The following GABBR2 variants were observed in gnomAD, a reference collection of about 807,000 sequenced individuals.
GABBR2 encodes the protein gamma-aminobutyric acid type B receptor subunit 2.
GABBR2 carries 23 observed loss-of-function variants against 105.6 expected under a neutral mutation model. The ratio of observed to expected loss-of-function variants is 0.22; its 90% CI spans 0.16 to 0.31. GABBR2 has a LOEUF of 0.31. GABBR2 is among the 10% of genes least tolerant of loss of function. The pLI is 1.00. For synonymous variants in GABBR2, 478 were observed against 499.7 expected, an observed-to-expected ratio of 0.96 and a Z score of 0.58; for missense variants, 734 against 1,245.5, an observed-to-expected ratio of 0.59 and a Z score of 6.18.
intron 7 of GABBR2, among the ~76,000 whole-genome samples, chr9:98,438,893 TTCTC>T (rs1012203122): frequency 2.3e-4 from 35 of 151,446 alleles, no homozygotes; most frequent in Non-Finnish European, 4.4e-4. Flanking sequence ...TCCCTCTCCC[TTCTC>T]TCTCTCTCTC....
chr9:98,476,065 A>C (rs1826787132), intron 5 of GABBR2, among the ~76,000 whole-genome samples: 1 of 152,200 alleles, frequency 6.6e-6, no homozygotes, highest in African/African-American at 2.4e-5. Flanking sequence ...CTCTGTCTCA[A>C]AAAACAAACA....
intron 1 of GABBR2, among the ~76,000 whole-genome samples, chr9:98,665,313 C>T (rs1214631347): frequency 1.3e-5 from 2 of 151,004 alleles, no homozygotes; most frequent in African/African-American, 4.9e-5. Context: ...GCTTGCTCAA[C>T]AAAAAAAGAA....
chr9:98,323,803 T>C (rs1438677963), intron 13 of GABBR2, among the ~76,000 whole-genome samples: 1 of 152,168 alleles, frequency 6.6e-6, no homozygotes, highest in Non-Finnish European at 1.5e-5. Context: ...TGGCTGTTCA[T>C]GGTGACTCCC....
intron 2 of GABBR2, among the ~76,000 whole-genome samples, chr9:98,556,304 C>T (rs909493604): frequency 1.3e-4 from 20 of 152,114 alleles, no homozygotes; most frequent in Non-Finnish European, 1.5e-5. Flanking sequence ...TTCAGTGTGG[C>T]AGTCACTGGG....
At chr9:98,525,198 A>G (rs900517539) in intron 3 of GABBR2, among the ~76,000 whole-genome samples, 2 of 152,122 alleles carry the variant, frequency 1.3e-5, no homozygotes, top group Non-Finnish European at 2.9e-5. Context: ...GTGCAAAAAA[A>G]CACCATTAAG....
intron 7 of GABBR2, among the ~76,000 whole-genome samples, chr9:98,407,807 G>T (rs1467894809): frequency 2.0e-5 from 3 of 152,184 alleles, no homozygotes; most frequent in Admixed American, 2.0e-4. Context: ...CAGGAGTGGG[G>T]GTGAGAAGAG....
chr9:98,389,264 G>T (rs1039997373), intron 9 of GABBR2, among the ~76,000 whole-genome samples: 2 of 152,238 alleles, frequency 1.3e-5, no homozygotes, highest in African/African-American at 4.8e-5. Context: ...ACTAGAATTT[G>T]ATTTGGTCTA....
intron 2 of GABBR2, among the ~76,000 whole-genome samples, chr9:98,573,701 G>A (rs999881059): frequency 2.0e-5 from 3 of 152,160 alleles, no homozygotes; most frequent in African/African-American, 7.2e-5. Flanking sequence ...AGAGAATACT[G>A]TACACAATAT....
At chr9:98,637,962 C>T (rs1041049311) in intron 1 of GABBR2, among the ~76,000 whole-genome samples, 3 of 152,128 alleles carry the variant, frequency 2.0e-5, no homozygotes, top group African/African-American at 7.2e-5. Flanking sequence ...ATGTAGTATT[C>T]CATTTAACAA....
intron 4 of GABBR2, among the ~76,000 whole-genome samples, chr9:98,482,620 A>C (rs1291372886): frequency 6.6e-6 from 1 of 152,198 alleles, no homozygotes; most frequent in Non-Finnish European, 1.5e-5. Context: ...GTTGCTAAAC[A>C]TGGTATGGTA....
intron 4 of GABBR2, among the ~76,000 whole-genome samples, chr9:98,491,961 A>C (rs1480960969): frequency 6.6e-6 from 1 of 152,152 alleles, no homozygotes; most frequent in Non-Finnish European, 1.5e-5. Flanking sequence ...ATTAGCTTCA[A>C]GAAGGGGACC....
intron 13 of GABBR2, among the ~76,000 whole-genome samples, chr9:98,360,999 C>G (rs1831572497): frequency 6.6e-6 from 1 of 152,212 alleles, no homozygotes; most frequent in Admixed American, 6.5e-5. Flanking sequence ...GCCTGACTCA[C>G]CCTGCTCTTA....
chr9:98,420,188 C>G (rs1832757489), intron 7 of GABBR2, among the ~76,000 whole-genome samples: 1 of 152,072 alleles, frequency 6.6e-6, no homozygotes, highest in Non-Finnish European at 1.5e-5. Flanking sequence ...GCAGGGATAC[C>G]CTAGCTCCCC....
At chr9:98,340,403 C>G (rs945291415) in intron 13 of GABBR2, among the ~76,000 whole-genome samples, 2 of 151,904 alleles carry the variant, frequency 1.3e-5, no homozygotes, top group Non-Finnish European at 2.9e-5. Flanking sequence ...TGTTTACAAT[C>G]TATTCTGTGT....
At chr9:98,616,251 A>G (rs1242274967) in intron 1 of GABBR2, among the ~76,000 whole-genome samples, 1 of 152,170 alleles carries the variant, frequency 6.6e-6, no homozygotes, top group African/African-American at 2.4e-5. Context: ...AGGGTCTTTG[A>G]CATTTCTTCC....
At chr9:98,375,748 C>G (rs976071609) in intron 11 of GABBR2, among the ~76,000 whole-genome samples, 1 of 152,198 alleles carries the variant, frequency 6.6e-6, no homozygotes, top group Non-Finnish European at 1.5e-5. Flanking sequence ...AAGACTCCCC[C>G]CCTTCTCCCC....
At chr9:98,360,856 T>C (rs1831570136) in intron 13 of GABBR2, among the ~76,000 whole-genome samples, 1 of 152,066 alleles carries the variant, frequency 6.6e-6, no homozygotes, top group East Asian at 1.9e-4. Flanking sequence ...CTCTCGTAAA[T>C]ACTCAGCTCC....
At chr9:98,611,045 C>T (rs891616882) in intron 1 of GABBR2, among the ~76,000 whole-genome samples, 1 of 152,136 alleles carries the variant, frequency 6.6e-6, no homozygotes, top group African/African-American at 2.4e-5. Flanking sequence ...TCGCTCTCCC[C>T]ACCTTCCACT....
intron 12 of GABBR2, among the ~76,000 whole-genome samples, chr9:98,371,072 C>T (rs1053168089): frequency 8.5e-5 from 13 of 152,192 alleles, no homozygotes; most frequent in Non-Finnish European, 1.8e-4. Flanking sequence ...CACACCAAGC[C>T]TCTCTCGGCC....
Sources: allele counts gnomAD v4.1 joint callset (sites outside exome capture counted in the v4.1 genomes callset), GRCh38; gene constraint gnomAD v4.1.1; transcripts MANE v1.5; gene names NCBI Gene and HGNC (gene_info 2026-07-23, HGNC 2026-07-21).